BEST2: variants seen among roughly 807,000 people sequenced by gnomAD.
BEST2 encodes the protein bestrophin-2a.
BEST2 carries 36 observed loss-of-function variants against 49.0 expected under a neutral mutation model. That is an observed-to-expected ratio of 0.73 (90% CI 0.56 to 0.97). BEST2 has a LOEUF of 0.97. BEST2 is among the 50% of genes least tolerant of loss of function. BEST2 has a pLI of 0.00. For synonymous variants in BEST2, 335 were observed against 304.4 expected, an observed-to-expected ratio of 1.10 and a Z score of -1.05; for missense variants, 672 against 710.0, an observed-to-expected ratio of 0.95 and a Z score of 0.61.
chr19:12,751,847 G>A lies in BEST2; in HGVS notation c.-52+8G>A, dbSNP rs1453717009. On this transcript the variant is annotated splice_region_variant and intron_variant, in intron 1 of 9. Coordinates refer to ENST00000553030, the MANE Select transcript of BEST2 (RefSeq NM_017682.3). ...CGGCCACCTTCAACACAGGTGAGAT[G>A]AGCCCAGGCTTGGGGAAATAGGGGG... The A allele has an allele frequency of 6.6e-6, 1 of 152,628 alleles. No homozygotes were observed. The highest frequency in any genetic ancestry group is 1.5e-5 in the Non-Finnish European group (1 of 68,302). 9.5% of individuals were successfully genotyped at this position (152,628 alleles called of 1,614,324 possible).
intron 2 of BEST2, 152 bp from the exon 3 acceptor site, chr19:12,753,108 C>T (rs1967890885): frequency 2.7e-6 from 2 of 734,938 alleles, no homozygotes; most frequent in Non-Finnish European, 4.5e-6. Context: ...GCCTCGGCCT[C>T]CCAAAGTGCT....
intron 9 of BEST2, 24 bp downstream of exon 9, chr19:12,756,319 CCG>C: frequency 6.2e-7 from 1 of 1,610,136 alleles, no homozygotes; most frequent in Non-Finnish European, 8.5e-7. Context: ...GTGGGCAGGG[CCG>C]CCTGGGGCAG....
At position 12,756,181 on chromosome 19, in the gene BEST2, C is replaced by G; in HGVS notation, c.989C>G (p.Ala330Gly). The G allele has an allele frequency of 6.2e-7, 1 of 1,614,260 alleles. No homozygotes were observed. Among genetic ancestry groups the G allele is most frequent in the South Asian group, 1.1e-5 (1 of 91,090 alleles). Residue 330 changes from alanine (A) to glycine (G), a missense_variant, in exon 9 of 10, where the codon GCT (alanine) becomes GGT (glycine). By Grantham distance (60) the Ala-to-Gly change is moderately conservative (BLOSUM62 0). This residue lies in a region of BEST2 where 291 missense variants were observed against 279.8 expected (regional missense o/e 1.04). Transcript: ENST00000553030. ...GTGGACGAGATGTATGATGACCTGG[C>G]TGTGCTGGAGAAGGACTTGTACTGG... is the stretch of plus-strand genomic sequence containing the variant. ...LAVDEMYDDLAVLEKDLYWDA... is the reference protein window; with the variant it reads ...LAVDEMYDDLGVLEKDLYWDA...
chr19:12,754,489 C>A, intron 3 of BEST2, 63 bp from the exon 4 acceptor site: 1 of 1,349,824 alleles, frequency 7.4e-7, no homozygotes, highest in Non-Finnish European at 9.9e-7. Context: ...CTCCCACAAC[C>A]TGGGCCCCCA....
In BEST2 at chr19:12,756,313, G is replaced by A; in HGVS notation, c.1103+18G>A. The stretch of plus-strand genomic sequence containing the variant: ...GACATCACGTGAGCCAGTTGGGTGG[G>A]CAGGGCCGCCTGGGGCAGGGCTTAT... On this transcript the variant is annotated intron_variant, in intron 9 of 9. Transcript: ENST00000553030. The A allele has an allele frequency of 6.2e-7, 1 of 1,611,112 alleles. No individual in the cohort carries two copies. The highest frequency in any genetic ancestry group is 8.5e-7 in the Non-Finnish European group (1 of 1,179,876).
chr19:12,752,194 C>G (rs193106419), intron 1 of BEST2, among the ~76,000 whole-genome samples: 2 of 151,790 alleles, frequency 1.3e-5, no homozygotes, highest in African/African-American at 2.4e-5. Flanking sequence ...GAGGTGGAGC[C>G]TTGAGAACCT....
At chr19:12,754,852 G>A (rs1480360181) in intron 4 of BEST2, 25 bp from the exon 5 acceptor site, 2 of 1,603,838 alleles carry the variant, frequency 1.2e-6, no homozygotes, top group Admixed American at 1.7e-5. Flanking sequence ...CAAGGGGCGA[G>A]CTATCCCTGA....
Position 12,755,464 on chromosome 19 carries a change from C to T in BEST2, c.714+8C>T, listed in dbSNP as rs760234840. Reference sequence around the variant, plus strand: ...CCCCTCGTGTACACGCAGGTAACCCCATCATGCCTCTTTTTATATTCGGTG... The same window carrying T: ...CCCCTCGTGTACACGCAGGTAACCCTATCATGCCTCTTTTTATATTCGGTG... On this transcript the variant is annotated splice_region_variant and intron_variant, in intron 6 of 9. Transcript: ENST00000553030. The surrounding 1 kb of genome is among the most constrained non-coding windows in gnomAD (Gnocchi z 4.4). 1.9e-6 allele frequency: 3 copies of T among 1,613,984 alleles called. No individual in the cohort carries two copies. Among genetic ancestry groups the T allele is most frequent in the Admixed American group, 1.7e-5 (1 of 60,002 alleles).
At position 12,758,012 on chromosome 19, in the gene BEST2, C is replaced by G. The variant is rs1180272942; in HGVS notation, c.1465C>G (p.Pro489Ala). The G allele has an allele frequency of 2.5e-6, 4 of 1,612,822 alleles. No homozygotes were observed. The highest frequency in any genetic ancestry group is 2.5e-6 in the Non-Finnish European group (3 of 1,179,890). The change falls in exon 10 of 10, where the codon CCC becomes GCC. Residue 489 changes from proline (P) to alanine (A), a missense_variant. By Grantham distance (27) the Pro-to-Ala change is conservative (BLOSUM62 -1). This residue lies in a region of BEST2 where 291 missense variants were observed against 279.8 expected (regional missense o/e 1.04). Transcript: ENST00000553030. ...EPFSIVTMPG[P>A]RGPAPPWLPS... ...CTTCAGCATCGTGACCATGCCCGGGCCCCGGGGTCCGGCGCCACCCTGGCT... is the reference window on the plus strand; with the variant it reads ...CTTCAGCATCGTGACCATGCCCGGGGCCCGGGGTCCGGCGCCACCCTGGCT...
In BEST2 at chr19:12,752,601, C is replaced by T; in HGVS notation, c.9C>T (p.Val3=). The change falls in exon 2 of 10, where the codon GTC becomes GTT. Residue 3 remains valine (V), a synonymous_variant. Coordinates refer to ENST00000553030, the MANE Select transcript of BEST2 (RefSeq NM_017682.3). ...ACCTGCCGGGTGCCACGATGACCGT[C>T]ACCTACACAGCCCGAGTGGCGAACG... MT[V]TYTARVANAR... 3.1e-6 allele frequency: 5 copies of T among 1,611,784 alleles called. No homozygotes were observed. Among genetic ancestry groups the T allele is most frequent in the Non-Finnish European group, 2.5e-6 (3 of 1,179,668 alleles).
rs1356230609 is a variant in BEST2 at position 12,754,986 on chromosome 19, C to G, written c.591C>G (p.Arg197=). ...WFSNLAAQAR[R]EGRIRDNSAL... Reference sequence around the variant, plus strand: ...CCAACCTGGCGGCACAGGCCCGACGCGAGGGCCGCATCCGCGACAACAGCG... The same window carrying G: ...CCAACCTGGCGGCACAGGCCCGACGGGAGGGCCGCATCCGCGACAACAGCG... Residue 197 remains arginine, a synonymous_variant, in exon 5 of 10, where the codon CGC becomes CGG. Coordinates refer to ENST00000553030, the MANE Select transcript of BEST2 (RefSeq NM_017682.3). 9 of 1,612,256 alleles carry G rather than the reference C, an allele frequency of 5.6e-6. No individual in the cohort carries two copies. Among genetic ancestry groups the G allele is most frequent in the Non-Finnish European group, 7.6e-6 (9 of 1,179,448 alleles).
intron 9 of BEST2, 145 bp downstream of exon 9, chr19:12,756,440 G>A: frequency 8.6e-7 from 1 of 1,166,752 alleles, no homozygotes; most frequent in Non-Finnish European, 1.2e-6. Flanking sequence ...CAGAAGCTAA[G>A]ATAGGAGTCA....
At position 12,752,606 on chromosome 19, in the gene BEST2, AC is replaced by A. The variant is rs1477342065; in HGVS notation, c.15del (p.Tyr5Ter). On this transcript the variant is annotated frameshift_variant, in exon 2 of 10. Transcript: ENST00000553030. LOFTEE classifies it high-confidence loss of function. ...CCGGGTGCCACGATGACCGTCACCT[AC>A]ACAGCCCGAGTGGCGAACGCCCGCT... MTVT[Y>X]TARVANARFG... 1 of 1,611,872 alleles carries A rather than the reference AC, an allele frequency of 6.2e-7. No individual in the cohort carries two copies. Among genetic ancestry groups the A allele is most frequent in the Non-Finnish European group, 8.5e-7 (1 of 1,179,682 alleles).
rs777773970 is a variant in BEST2, at chr19:12,757,982, G to C, written c.1435G>C (p.Glu479Gln). The change falls in exon 10 of 10, where the codon GAG (glutamate) becomes CAG (glutamine). Residue 479 changes from glutamate (E) to glutamine (Q), a missense_variant. Transcript: ENST00000553030. Reference sequence around the variant, plus strand: ...GCTTACCCTCATCCCTGGGCCTGTCGAGCCCTTCAGCATCGTGACCATGCC... The same window carrying C: ...GCTTACCCTCATCCCTGGGCCTGTCCAGCCCTTCAGCATCGTGACCATGCC... ...EPLTLIPGPVEPFSIVTMPGP... is the reference protein window; with the variant it reads ...EPLTLIPGPVQPFSIVTMPGP... The C allele has an allele frequency of 5.6e-6, 9 of 1,611,348 alleles. No homozygotes were observed. The highest frequency in any genetic ancestry group is 7.6e-6 in the Non-Finnish European group (9 of 1,179,546).
chr19:12,756,528 G>T, intron 9 of BEST2: 1 of 576,060 alleles, frequency 1.7e-6, no homozygotes, highest in South Asian at 2.0e-5. Context: ...GGATCAGACC[G>T]GTCAGTGGTG....
In BEST2 at chr19:12,754,927, TACA is replaced by T. The variant is rs1306920006; in HGVS notation, c.537_539del (p.Asn179del). 4 of 1,613,942 alleles carry T rather than the reference TACA, an allele frequency of 2.5e-6. No homozygotes were observed. Among genetic ancestry groups the T allele is most frequent in the Non-Finnish European group, 1.7e-6 (2 of 1,179,932 alleles). ...GAAGTTTGAAAACCTGAACTCATCCTACAACAAGTACTGGGTGCCCTGCGTCTG... is the reference window on the plus strand; with the variant it reads ...GAAGTTTGAAAACCTGAACTCATCCTACAAGTACTGGGTGCCCTGCGTCTG... On this transcript the variant is annotated inframe_deletion, in exon 5 of 10. Transcript: ENST00000553030.
At chr19:12,753,477 G>A in intron 3 of BEST2, 123 bp downstream of exon 3, 1 of 822,730 alleles carries the variant, frequency 1.2e-6, no homozygotes, top group Non-Finnish European at 1.9e-6. Context: ...AACCCCGACA[G>A]CACTGCCCAC....
rs750243412 is a variant in BEST2 at position 12,758,125 on chromosome 19, G to T, written c.*48G>T. Reference sequence around the variant, plus strand: ...AGGACAGGGAACCAGGTCCCTGCACGGCACCCACGCAGGTGTCCCGGTCTG... The same window carrying T: ...AGGACAGGGAACCAGGTCCCTGCACTGCACCCACGCAGGTGTCCCGGTCTG... On this transcript the variant is annotated 3_prime_UTR_variant, in exon 10 of 10. Transcript: ENST00000553030. 1 of 1,588,996 alleles carries T rather than the reference G, an allele frequency of 6.3e-7. No individual in the cohort carries two copies. Among genetic ancestry groups the T allele is most frequent in the South Asian group, 1.1e-5 (1 of 88,270 alleles).
At position 12,758,020 on chromosome 19, in the gene BEST2, T is replaced by C; in HGVS notation, c.1473T>C (p.Gly491=). The stretch of plus-strand genomic sequence containing the variant: ...TCGTGACCATGCCCGGGCCCCGGGG[T>C]CCGGCGCCACCCTGGCTGCCCAGCC... ...FSIVTMPGPR[G]PAPPWLPSPI... The change falls in exon 10 of 10, where the codon GGT becomes GGC. Residue 491 remains glycine, a synonymous_variant. Coordinates refer to ENST00000553030, the MANE Select transcript of BEST2 (RefSeq NM_017682.3). 3 of 1,612,746 alleles carry C rather than the reference T, an allele frequency of 1.9e-6. No homozygotes were observed. Among genetic ancestry groups the C allele is most frequent in the Non-Finnish European group, 2.5e-6 (3 of 1,179,848 alleles).
Sources: allele counts gnomAD v4.1 joint callset (sites outside exome capture counted in the v4.1 genomes callset), GRCh38; gene constraint gnomAD v4.1.1; regional missense constraint gnomAD v4.1.1; non-coding constraint Gnocchi (gnomAD v3.1); transcripts MANE v1.5; gene names NCBI Gene and HGNC (gene_info 2026-07-23, HGNC 2026-07-21).